Variants in C1QTNF2 observed in about 807,000 individuals in gnomAD.
C1QTNF2 encodes complement C1q tumor necrosis factor-related protein 2.
Under a neutral mutation model 17.4 loss-of-function variants are expected in C1QTNF2, and 15 were observed. The ratio of observed to expected loss-of-function variants is 0.86; its 90% CI spans 0.58 to 1.33. C1QTNF2 has a LOEUF of 1.33. Among genes scored for constraint, C1QTNF2 ranks in the 40% most tolerant of loss-of-function variants. The pLI is 0.00. For synonymous variants in C1QTNF2, 154 were observed against 163.3 expected (o/e 0.94, Z 0.44); for missense variants, 381 against 392.3 (o/e 0.97, Z 0.24).
intron 1 of C1QTNF2, among the ~76,000 whole-genome samples, chr5:160,370,196 T>C (rs1438773819): frequency 6.6e-6 from 1 of 152,110 alleles, no homozygotes; most frequent in African/African-American, 2.4e-5. Context: ...AGAGCACAAG[T>C]AAAGTGCTAG....
chr5:160,358,935 C>T (rs943230787), intron 1 of C1QTNF2, among the ~76,000 whole-genome samples: 5 of 152,112 alleles, frequency 3.3e-5, no homozygotes, highest in African/African-American at 7.2e-5. Context: ...AGCGTGCCAC[C>T]ATGCCCAGCT....
Position 160,349,874 on chromosome 5 carries a change from GTGCTTGGGTAAT to G in C1QTNF2, c.245-105_245-94del. ...TTGGTCTTCCAATCTTGGAGAAGGA[GTGCTTGGGTAAT>G]AGAAAGAACAAGAAGGCTTTGCAGA... On this transcript the variant is annotated intron_variant, in intron 2 of 2. Coordinates refer to ENST00000652664, the MANE Select transcript of C1QTNF2 (RefSeq NM_031908.6). This position sits in a 1 kb window ranked among gnomAD's most constrained non-coding sequence, Gnocchi z 4.3. The G allele has an allele frequency of 7.1e-7, 1 of 1,400,490 alleles. No individual in the cohort carries two copies. The highest frequency in any genetic ancestry group is 9.5e-7 in the Non-Finnish European group (1 of 1,058,060). The allele number at this position is 1,400,490 out of a possible 1,614,324, so 86.8% of individuals were successfully genotyped here. A position where few individuals can be genotyped will look rare whatever the true frequency, so the allele number is the denominator to read the frequency against.
chr5:160,352,317 T>A (rs1018941332), intron 2 of C1QTNF2, among the ~76,000 whole-genome samples: 3 of 152,234 alleles, frequency 2.0e-5, no homozygotes, highest in Non-Finnish European at 4.4e-5. Flanking sequence ...TTACCTTTTT[T>A]GAGAGACTTT....
At chr5:160,351,332 C>T (rs1763918418) in intron 2 of C1QTNF2, among the ~76,000 whole-genome samples, 1 of 152,196 alleles carries the variant, frequency 6.6e-6, no homozygotes, top group Admixed American at 6.5e-5. Flanking sequence ...GACTTGAGTT[C>T]ACTCGACACA....
Position 160,349,319 on chromosome 5 carries a change from G to A in C1QTNF2, c.707C>T (p.Ser236Phe), listed in dbSNP as rs1489850693. ...ACCCTGCTTGAGAGCCAGGATGGTGGAGCCTGAGGCCACATCGTGGTTGCC... is the reference window on the plus strand; with the variant it reads ...ACCCTGCTTGAGAGCCAGGATGGTGAAGCCTGAGGCCACATCGTGGTTGCC... ...NTGNHDVASG[S>F]TILALKQGDE... is the part of the protein sequence containing the mutation. The change falls in exon 3 of 3, where the codon TCC (serine) becomes TTC (phenylalanine). Residue 236 changes from serine to phenylalanine, a missense_variant. Physicochemically the swap from Ser to Phe is radical, Grantham distance 155. Coordinates refer to ENST00000652664, the MANE Select transcript of C1QTNF2 (RefSeq NM_031908.6). The surrounding 1 kb of genome is among the most constrained non-coding windows in gnomAD (Gnocchi z 4.3). 3 of 1,613,690 alleles carry A rather than the reference G, an allele frequency of 1.9e-6. No individual in the cohort carries two copies. Among genetic ancestry groups the A allele is most frequent in the Non-Finnish European group, 2.5e-6 (3 of 1,179,848 alleles).
chr5:160,364,776 G>C (rs2113533528), intron 1 of C1QTNF2, among the ~76,000 whole-genome samples: 1 of 152,250 alleles, frequency 6.6e-6, no homozygotes, highest in South Asian at 2.1e-4. Flanking sequence ...GGGAAGGATG[G>C]GGTGTTGCCT....
intron 1 of C1QTNF2, among the ~76,000 whole-genome samples, chr5:160,366,783 G>C (rs565323036): frequency 2.6e-5 from 4 of 152,108 alleles, no homozygotes; most frequent in African/African-American, 9.6e-5. Context: ...CAGCACTTTT[G>C]GAGGCCAAAG....
intron 1 of C1QTNF2, among the ~76,000 whole-genome samples, chr5:160,368,766 G>A (rs1204351062): frequency 6.6e-6 from 1 of 152,054 alleles, no homozygotes; most frequent in African/African-American, 2.4e-5. Flanking sequence ...CTGATCAGCA[G>A]GGTCAGCATA....
chr5:160,349,905 T>G lies in C1QTNF2; in HGVS notation c.245-124A>C. ...GGGTAATAGAAAGAACAAGAAGGCT[T>G]TGCAGACATATAGAAGTGGGTGTAA... On this transcript the variant is annotated intron_variant, in intron 2 of 2. Coordinates refer to ENST00000652664, the MANE Select transcript of C1QTNF2 (RefSeq NM_031908.6). The surrounding 1 kb of genome is among the most constrained non-coding windows in gnomAD (Gnocchi z 4.3). The G allele has an allele frequency of 8.7e-7, 1 of 1,153,456 alleles. No individual in the cohort carries two copies. 71.5% of individuals were successfully genotyped at this position (1,153,456 alleles called of 1,614,324 possible).
At chr5:160,364,851 C>T (rs1256548341) in intron 1 of C1QTNF2, among the ~76,000 whole-genome samples, 1 of 152,138 alleles carries the variant, frequency 6.6e-6, no homozygotes, top group Non-Finnish European at 1.5e-5. Flanking sequence ...AGGGAAGAAG[C>T]GGGATGGTGC....
intron 1 of C1QTNF2, among the ~76,000 whole-genome samples, chr5:160,362,360 C>T (rs539612542): frequency 2.0e-5 from 3 of 152,226 alleles, no homozygotes; most frequent in Admixed American, 1.3e-4. Flanking sequence ...ACCACAGTTC[C>T]GGGAAATCTC....
In C1QTNF2 at chr5:160,370,611, C is replaced by T. The variant is rs764086693; in HGVS notation, c.-109G>A. On this transcript the variant is annotated 5_prime_UTR_variant, in exon 1 of 3. Transcript: ENST00000652664. ...CCTCAGCGGCAGCAGCCGGGCAGAG[C>T]GTCGGCCCCAGGCATAGTTTTCCCA... is the stretch of plus-strand genomic sequence containing the variant. 3 of 1,448,156 alleles carry T rather than the reference C, an allele frequency of 2.1e-6. No individual in the cohort carries two copies. The highest frequency in any genetic ancestry group is 3.0e-5 in the South Asian group (2 of 67,252). 89.7% of individuals were successfully genotyped at this position (1,448,156 alleles called of 1,614,324 possible). A position where few individuals can be genotyped will look rare whatever the true frequency, so the allele number is the denominator to read the frequency against.
intron 1 of C1QTNF2, among the ~76,000 whole-genome samples, chr5:160,357,110 A>G (rs1764065723): frequency 6.6e-6 from 1 of 152,186 alleles, no homozygotes; most frequent in African/African-American, 2.4e-5. Flanking sequence ...GTCGTGAAAC[A>G]TCTAGAAATC....
intron 1 of C1QTNF2, among the ~76,000 whole-genome samples, chr5:160,370,250 C>T (rs1297033117): frequency 4.6e-5 from 7 of 152,212 alleles, no homozygotes. Flanking sequence ...GGCAGAGCTA[C>T]GGGTGTTACT....
rs764782833 is a variant in C1QTNF2 at position 160,348,792 on chromosome 5, A to G, written c.*376T>C. The G allele has an allele frequency of 7.5e-5, 13 of 173,536 alleles. No individual in the cohort carries two copies. Among genetic ancestry groups the G allele is most frequent in the Non-Finnish European group, 1.3e-4 (11 of 81,666 alleles). 10.7% of individuals were successfully genotyped at this position (173,536 alleles called of 1,614,324 possible). On this transcript the variant is annotated 3_prime_UTR_variant, in exon 3 of 3. Coordinates refer to ENST00000652664, the MANE Select transcript of C1QTNF2 (RefSeq NM_031908.6). ...TTCCCTGTCTCCTGTTATTCCTATT[A>G]CTGTCAACCATGGCATGTTCATTTC... is the stretch of plus-strand genomic sequence containing the variant.
chr5:160,350,138 A>T (rs1763890191), intron 2 of C1QTNF2, among the ~76,000 whole-genome samples: 3 of 152,204 alleles, frequency 2.0e-5, no homozygotes. Context: ...AAGCCTCTTG[A>T]TTTCAACACG....
At chr5:160,368,488 T>G (rs1286916130) in intron 1 of C1QTNF2, among the ~76,000 whole-genome samples, 3 of 146,624 alleles carry the variant, frequency 2.0e-5, no homozygotes, top group Non-Finnish European at 4.4e-5. Context: ...GCCGAGATTG[T>G]GCCACTGTAC....
At chr5:160,350,538 C>T (rs11740154) in intron 2 of C1QTNF2, among the ~76,000 whole-genome samples, 26,973 of 151,774 alleles carry the variant, frequency 0.18, 2,490 homozygotes, top group Middle Eastern at 0.29. Flanking sequence ...ACAGTCTCTA[C>T]AAAAAATACA....
At chr5:160,369,404 G>A (rs1285228272) in intron 1 of C1QTNF2, among the ~76,000 whole-genome samples, 1 of 152,198 alleles carries the variant, frequency 6.6e-6, no homozygotes, top group African/African-American at 2.4e-5. Context: ...CTGTAGTGAT[G>A]CTTGGAAATG....
Sources: gnomAD v4.1 joint callset for allele counts (sites outside exome capture counted in the v4.1 genomes callset) on GRCh38, gnomAD v4.1.1 for gene constraint, Gnocchi (gnomAD v3.1) non-coding constraint, MANE v1.5 for transcripts, NCBI Gene and HGNC (gene_info 2026-07-23, HGNC 2026-07-21) for gene names.